The following VLDLR variants were observed in gnomAD, a reference collection of about 807,000 sequenced individuals.
VLDLR encodes very low density lipoprotein receptor, also known as very low-density lipoprotein receptor.
A neutral mutation model predicts 112.7 loss-of-function variants in VLDLR; 81 were observed. That is an observed-to-expected ratio of 0.72 (90% CI 0.60 to 0.86). The LOEUF (loss-of-function observed/expected upper bound fraction) is 0.86. Among genes scored for constraint, VLDLR ranks in the 40% least tolerant of loss-of-function variants. The pLI is 0.00. For missense variants in VLDLR, 1,237 were observed against 1,099.4 expected, an observed-to-expected ratio of 1.13 and a Z score of -1.77; for synonymous variants, 436 against 384.8, an observed-to-expected ratio of 1.13 and a Z score of -1.56.
intron 4 of VLDLR, among the ~76,000 whole-genome samples, chr9:2,642,666 C>T (rs1563757389): frequency 6.6e-6 from 1 of 152,164 alleles, no homozygotes; most frequent in Non-Finnish European, 1.5e-5. Flanking sequence ...CTTGTTATTC[C>T]TGATCCTTAT....
chr9:2,625,429 C>A (rs1817047179), intron 1 of VLDLR, among the ~76,000 whole-genome samples: 1 of 152,180 alleles, frequency 6.6e-6, no homozygotes, highest in African/African-American at 2.4e-5. Context: ...TAAATTTGTT[C>A]TTTTCAGTGC....
rs146156696 is a variant in VLDLR, at chr9:2,646,322, A to G, written c.1485-12A>G. On this transcript the variant is annotated splice_polypyrimidine_tract_variant and intron_variant, in intron 10 of 18. Transcript: ENST00000382100. ...CAAACTCTTAAATTTCTTGTGACCT[A>G]TTCTGTTTCAGTGCCTCAATTGATG... 3.0e-4 allele frequency: 479 copies of G among 1,613,562 alleles called. No individual in the cohort carries two copies. In the African/African-American group the frequency reaches 5.5e-3, roughly 19 times the overall value.
rs1216217316 is a variant in VLDLR at position 2,655,970 on chromosome 9, G to C, written c.*2102G>C. On this transcript the variant is annotated 3_prime_UTR_variant, in exon 19 of 19. Coordinates refer to ENST00000382100, the MANE Select transcript of VLDLR (RefSeq NM_003383.5). ...ACATGGATTTTTTTTTTTTTAACTG[G>C]AGTAATACCAAATTCCCTTTAGAAG... 6.6e-6 allele frequency: 1 copy of C among 151,666 alleles called. No homozygotes were observed. The highest frequency in any genetic ancestry group is 1.5e-5 in the Non-Finnish European group (1 of 67,936). The allele number at this position is 151,666 out of a possible 1,614,324, so 9.4% of individuals were successfully genotyped here. A position where few individuals can be genotyped will look rare whatever the true frequency, so the allele number is the denominator to read the frequency against.
chr9:2,621,829 G>A lies in VLDLR; in HGVS notation c.-361G>A. ...CCGCCGGTGCGGGTGCTCCGCTACCGGCTCCTCTCCGTTCTGTGCTCTCTT... is the reference window on the plus strand; with the variant it reads ...CCGCCGGTGCGGGTGCTCCGCTACCAGCTCCTCTCCGTTCTGTGCTCTCTT... On this transcript the variant is annotated 5_prime_UTR_variant, in exon 1 of 19. Transcript: ENST00000382100. 2.1e-6 allele frequency: 1 copy of A among 487,654 alleles called. No individual in the cohort carries two copies. The highest frequency in any genetic ancestry group is 3.9e-6 in the Non-Finnish European group (1 of 254,964). The allele number at this position is 487,654 out of a possible 1,614,324, so 30.2% of individuals were successfully genotyped here.
chr9:2,654,199 A>G lies in VLDLR; in HGVS notation c.*331A>G, dbSNP rs1818496249. The G allele has an allele frequency of 2.9e-6, 1 of 350,726 alleles. No individual in the cohort carries two copies. Among genetic ancestry groups the G allele is most frequent in the Non-Finnish European group, 5.4e-6 (1 of 184,670 alleles). 21.7% of individuals were successfully genotyped at this position (350,726 alleles called of 1,614,324 possible). A position where few individuals can be genotyped will look rare whatever the true frequency, so the allele number is the denominator to read the frequency against. ...TTGTGCTATAGTGTATACCACCTGT[A>G]CATACATTGTATAGGCCATCTGTAA... On this transcript the variant is annotated 3_prime_UTR_variant, in exon 19 of 19. Transcript: ENST00000382100.
chr9:2,650,261 A>C, intron 14 of VLDLR, 109 bp from the exon 15 acceptor site: 1 of 1,358,802 alleles, frequency 7.4e-7, no homozygotes, highest in Non-Finnish European at 1.0e-6. Flanking sequence ...AGAGTAGACA[A>C]GTTTAAGCTC....
chr9:2,640,341 C>T (rs1347688240), intron 3 of VLDLR, among the ~76,000 whole-genome samples: 1 of 152,074 alleles, frequency 6.6e-6, no homozygotes. Context: ...GTGAGGGTTC[C>T]CTATGGGCCA....
intron 17 of VLDLR, 47 bp downstream of exon 17, chr9:2,652,001 C>A (rs1213275492): frequency 6.3e-7 from 1 of 1,585,586 alleles, no homozygotes; most frequent in Non-Finnish European, 8.7e-7. Flanking sequence ...TCTTAGATAC[C>A]AGATGAAGAT....
At position 2,633,047 on chromosome 9, in the gene VLDLR, AGAGAGTGTGTGT is replaced by A. The variant is rs1173723490; in HGVS notation, c.83-2404_83-2393del. 2.1e-3 allele frequency among the ~76,000 whole-genome samples: 202 copies of A among 95,462 alleles called. 2 individuals carry two copies. Among genetic ancestry groups the A allele is most frequent in the Non-Finnish European group, 4.0e-3 (170 of 41,998 alleles). 62.6% of individuals were successfully genotyped at this position (95,462 alleles called of 152,430 possible). On this transcript the variant is annotated intron_variant, in intron 1 of 18. Transcript: ENST00000382100. The stretch of plus-strand genomic sequence containing the variant: ...CTCCTTATTGGAGAGAGAGAGAGAG[AGAGAGTGTGTGT>A]GTGTGTGTGTGTGTGTGTGTGTGTG...
Position 2,622,083 on chromosome 9 carries a change from C to G in VLDLR, c.-107C>G. 1 of 953,164 alleles carries G rather than the reference C, an allele frequency of 1.0e-6. No homozygotes were observed. The allele number at this position is 953,164 out of a possible 1,614,324, so 59.0% of individuals were successfully genotyped here. A position where few individuals can be genotyped will look rare whatever the true frequency, so the allele number is the denominator to read the frequency against. Reference sequence around the variant, plus strand: ...CTCCTTCCCCTCCTTCTCCCCCTTTCCCCTCCCCGCCCCCACCTTCTTCCT... The same window carrying G: ...CTCCTTCCCCTCCTTCTCCCCCTTTGCCCTCCCCGCCCCCACCTTCTTCCT... On this transcript the variant is annotated 5_prime_UTR_variant, in exon 1 of 19. Transcript: ENST00000382100.
chr9:2,649,045 T>A (rs922216453), intron 14 of VLDLR, among the ~76,000 whole-genome samples: 1 of 152,250 alleles, frequency 6.6e-6, no homozygotes, highest in Non-Finnish European at 1.5e-5. Context: ...TCAGAGCTTT[T>A]ATTTCTGTTT....
At chr9:2,646,281 C>T in intron 10 of VLDLR, 53 bp from the exon 11 acceptor site, 2 of 1,585,362 alleles carry the variant, frequency 1.3e-6, no homozygotes, top group Middle Eastern at 1.7e-4. Flanking sequence ...GTCCATTCTC[C>T]AAGCTCTAAT....
At chr9:2,645,873 T>G in intron 10 of VLDLR, 128 bp downstream of exon 10, 1 of 1,007,512 alleles carries the variant, frequency 9.9e-7, no homozygotes, top group South Asian at 1.4e-5. Flanking sequence ...CTGGGGACAT[T>G]AAATCTAATG....
chr9:2,645,099 T>G lies in VLDLR; in HGVS notation c.1312+17T>G. On this transcript the variant is annotated intron_variant, in intron 9 of 18. Coordinates refer to ENST00000382100, the MANE Select transcript of VLDLR (RefSeq NM_003383.5). The stretch of plus-strand genomic sequence containing the variant: ...AGGCAGTAGGTAAATGAACTTGGAC[T>G]GGTATGGCTGTTGTACCTTTATGAG... 1 of 1,614,090 alleles carries G rather than the reference T, an allele frequency of 6.2e-7. No individual in the cohort carries two copies. Among genetic ancestry groups the G allele is most frequent in the Non-Finnish European group, 8.5e-7 (1 of 1,180,018 alleles).
intron 15 of VLDLR, 55 bp from the exon 16 acceptor site, chr9:2,651,360 A>T (rs369713471): frequency 2.9e-5 from 44 of 1,495,676 alleles, no homozygotes; most frequent in Non-Finnish European, 4.1e-5. Flanking sequence ...TGGACAAAAC[A>T]GCTAGCCATG....
chr9:2,623,477 G>A (rs922752355), intron 1 of VLDLR, among the ~76,000 whole-genome samples: 1 of 152,100 alleles, frequency 6.6e-6, no homozygotes, highest in East Asian at 1.9e-4. Context: ...GGGCCCTGCC[G>A]GCCTGCAGTC....
chr9:2,633,587 A>G (rs1445896270), intron 1 of VLDLR, among the ~76,000 whole-genome samples: 2 of 152,078 alleles, frequency 1.3e-5, no homozygotes, highest in Non-Finnish European at 2.9e-5. Context: ...TCTCATTTTG[A>G]CTTAATAACC....
Position 2,644,808 on chromosome 9 carries a change from G to T in VLDLR, c.1141G>T (p.Asp381Tyr). 6.2e-7 allele frequency: 1 copy of T among 1,614,200 alleles called. No homozygotes were observed. The highest frequency in any genetic ancestry group is 1.1e-5 in the South Asian group (1 of 91,076). ...CKDLVIGYEC[D>Y]CAAGFELIDR... ...AGACCTAGTTATAGGCTACGAGTGT[G>T]ACTGTGCAGCTGGGTTTGAACTGAT... is the stretch of plus-strand genomic sequence containing the variant. The change falls in exon 8 of 19, where the codon GAC becomes TAC. Residue 381 changes from aspartate to tyrosine, a missense_variant. Transcript: ENST00000382100.
In VLDLR at chr9:2,622,438, C is replaced by T. The variant is rs1006314832; in HGVS notation, c.82+167C>T. Reference sequence around the variant, plus strand: ...GGTGGCGCCTCTGAGCTGTCAGCGCCGAGGCTAAAGGGAGCCGGGCTTGGG... The same window carrying T: ...GGTGGCGCCTCTGAGCTGTCAGCGCTGAGGCTAAAGGGAGCCGGGCTTGGG... On this transcript the variant is annotated intron_variant, in intron 1 of 18. Transcript: ENST00000382100. The T allele has an allele frequency of 1.2e-5, 7 of 593,104 alleles. No individual in the cohort carries two copies. The African/African-American group carries it at 1.4e-4, about 12-fold the overall frequency. 36.7% of individuals were successfully genotyped at this position (593,104 alleles called of 1,614,324 possible).
Sources: gnomAD v4.1 joint callset for allele counts (sites outside exome capture counted in the v4.1 genomes callset) on GRCh38, gnomAD v4.1.1 for gene constraint, MANE v1.5 for transcripts, NCBI Gene and HGNC (gene_info 2026-07-23, HGNC 2026-07-21) for gene names.